The following AEBP2 variants were observed in gnomAD, a reference collection of about 807,000 sequenced individuals.
AEBP2 encodes the protein AE binding protein 2.
A neutral mutation model predicts 50.8 loss-of-function variants in AEBP2; 10 were observed. That is an observed-to-expected ratio of 0.20 (90% CI 0.12 to 0.33). The LOEUF is 0.33. Among genes scored for constraint, AEBP2 ranks in the 10% least tolerant of loss-of-function variants. The pLI, the probability that AEBP2 is intolerant of heterozygous loss-of-function variation, is 1.00. For synonymous variants in AEBP2, 296 were observed against 261.3 expected (o/e 1.13, Z -1.28); for missense variants, 570 against 688.0 (o/e 0.83, Z 1.92).
chr12:19,413,756 G>T (rs1488577304), intron 1 of AEBP2, among the ~76,000 whole-genome samples: 3 of 152,132 alleles, frequency 2.0e-5, no homozygotes, highest in African/African-American at 7.2e-5. Flanking sequence ...CATGGCATTT[G>T]TAAACTGTCA....
At chr12:19,471,549 T>C (rs1294974828) in intron 2 of AEBP2, among the ~76,000 whole-genome samples, 2 of 152,102 alleles carry the variant, frequency 1.3e-5, no homozygotes, top group Non-Finnish European at 2.9e-5. Context: ...TCACCTACAC[T>C]GGAGTGCAGT....
intron 5 of AEBP2, chr12:19,509,269 T>A: frequency 3.6e-6 from 1 of 275,046 alleles, no homozygotes; most frequent in Non-Finnish European, 7.1e-6. Flanking sequence ...TGCAACTTTT[T>A]TAAGTAATAA....
At chr12:19,440,565 C>G in intron 1 of AEBP2, 195 bp downstream of exon 1, 1 of 1,408,916 alleles carries the variant, frequency 7.1e-7, no homozygotes, top group South Asian at 1.5e-5. Flanking sequence ...TTCCAACTCT[C>G]AAACCGTTCC....
intron 5 of AEBP2, among the ~76,000 whole-genome samples, chr12:19,502,983 T>C (rs1004378856): frequency 2.6e-5 from 4 of 152,200 alleles, no homozygotes; most frequent in African/African-American, 7.2e-5. Flanking sequence ...TGCACTGTTT[T>C]GGTTACTGTA....
chr12:19,507,646 G>C (rs1949170621), intron 5 of AEBP2, among the ~76,000 whole-genome samples: 1 of 152,170 alleles, frequency 6.6e-6, no homozygotes, highest in Non-Finnish European at 1.5e-5. Context: ...AAGGTGGAAT[G>C]TAATCTGAAG....
At chr12:19,517,925 C>T (rs745343242) in intron 7 of AEBP2, among the ~76,000 whole-genome samples, 162 bp from the exon 8 acceptor site, 15 of 152,140 alleles carry the variant, frequency 9.9e-5, no homozygotes, top group Non-Finnish European at 2.1e-4. Context: ...TATTATGTAA[C>T]TAAGTATAGA....
chr12:19,484,250 ATTTTTTTTT>A (rs59403434), intron 3 of AEBP2, among the ~76,000 whole-genome samples: 5 of 107,518 alleles, frequency 4.7e-5, no homozygotes, highest in Admixed American at 2.0e-4. Flanking sequence ...CGCCCAGCCA[ATTTTTTTTT>A]TTTTTTTTTT....
upstream of AEBP2, among the ~76,000 whole-genome samples, chr12:19,435,400 G>T (rs1394168539): frequency 6.6e-6 from 1 of 151,906 alleles, no homozygotes; most frequent in Admixed American, 6.6e-5. Context: ...CCTGTGCCTG[G>T]CTAATTTTTT....
chr12:19,511,798 GT>G (rs1048400127), intron 5 of AEBP2, among the ~76,000 whole-genome samples: 24 of 145,718 alleles, frequency 1.6e-4, no homozygotes, highest in East Asian at 2.0e-4. Context: ...CTGAATCTAG[GT>G]TTTTTTTTTT....
chr12:19,414,756 G>C (rs868224186), intron 1 of AEBP2, among the ~76,000 whole-genome samples: 41 of 152,052 alleles, frequency 2.7e-4, no homozygotes, highest in Admixed American at 2.6e-4. Flanking sequence ...AACCTCGTCT[G>C]TACCAAAAAT....
Position 19,486,813 on chromosome 12 carries a change from T to C in AEBP2, c.988-6987T>C, listed in dbSNP as rs73339327. On this transcript the variant is annotated intron_variant, in intron 3 of 7. Coordinates refer to ENST00000266508, the MANE Select transcript of AEBP2 (RefSeq NM_153207.5). The stretch of plus-strand genomic sequence containing the variant: ...CCAGTCCTTTCTTTTCTTTTCTTTT[T>C]TTTTTGAGATAAAGTTTCTGTAACC... 2.1e-3 allele frequency among the ~76,000 whole-genome samples: 325 copies of C among 152,200 alleles called. 3 individuals are homozygous for C. Among genetic ancestry groups the C allele is most frequent in the African/African-American group, 7.4e-3 (306 of 41,538 alleles).
intron 1 of AEBP2, among the ~76,000 whole-genome samples, chr12:19,442,110 G>A (rs1592716849): frequency 1.3e-5 from 2 of 152,160 alleles, no homozygotes; most frequent in East Asian, 3.9e-4. Context: ...AAAATAATTC[G>A]CCTTAAATAA....
At chr12:19,492,592 A>G (rs1359271470) in intron 3 of AEBP2, among the ~76,000 whole-genome samples, 5 of 151,908 alleles carry the variant, frequency 3.3e-5, no homozygotes, top group Admixed American at 2.0e-4. Flanking sequence ...AAAACAAAAT[A>G]AAATAAAAAA....
chr12:19,468,126 TTGTGTGTGTG>T lies in AEBP2; in HGVS notation c.880-5100_880-5091del, dbSNP rs10643072. Among the ~76,000 whole-genome samples the T allele has an allele frequency of 2.6e-4, 37 of 144,062 alleles. No individual in the cohort carries two copies. In the East Asian group the frequency reaches 4.9e-3, roughly 19 times the overall value. 94.5% of individuals were successfully genotyped at this position (144,062 alleles called of 152,430 possible). On this transcript the variant is annotated intron_variant, in intron 2 of 7. Transcript: ENST00000266508. ...ATCCATCCAACCCCTCTGCCTGACTTTGTGTGTGTGTGTGTGTGTGTGTGTGTGTGTATGT... is the reference window on the plus strand; with the variant it reads ...ATCCATCCAACCCCTCTGCCTGACTTTGTGTGTGTGTGTGTGTGTGTATGT...
chr12:19,471,783 G>A (rs568348673), intron 2 of AEBP2, among the ~76,000 whole-genome samples: 1 of 151,948 alleles, frequency 6.6e-6, no homozygotes, highest in African/African-American at 2.4e-5. Context: ...CCCCTACCTC[G>A]GTCTCCCAAA....
chr12:19,469,387 T>C (rs1442037078), intron 2 of AEBP2, among the ~76,000 whole-genome samples: 1 of 152,220 alleles, frequency 6.6e-6, no homozygotes, highest in East Asian at 1.9e-4. Context: ...TAACATCTTA[T>C]ATTTTCATAG....
At position 19,508,632 on chromosome 12, in the gene AEBP2, T is replaced by C. The variant is rs142615599; in HGVS notation, c.1300-3766T>C. 1.1e-4 allele frequency among the ~76,000 whole-genome samples: 16 copies of C among 152,340 alleles called. No individual in the cohort carries two copies. The East Asian group carries it at 3.1e-3, about 29-fold the overall frequency. ...AGAATCTGGTAATGAAAGGAAAATA[T>C]ATTGCTTTTCTTATACTTTTTTGGG... On this transcript the variant is annotated intron_variant, in intron 5 of 7. Transcript: ENST00000266508.
intron 4 of AEBP2, among the ~76,000 whole-genome samples, chr12:19,495,513 A>T (rs370638577): frequency 6.6e-6 from 1 of 151,562 alleles, no homozygotes; most frequent in South Asian, 2.1e-4. Flanking sequence ...TGAGAAAAGT[A>T]AACTTTCTTA....
chr12:19,457,363 T>C, intron 1 of AEBP2: 5 of 1,452,804 alleles, frequency 3.4e-6, no homozygotes, highest in Non-Finnish European at 4.7e-6. Flanking sequence ...GTTAAGTCTC[T>C]GTGTCCTAGG....
Sources: allele counts gnomAD v4.1 joint callset (sites outside exome capture counted in the v4.1 genomes callset), GRCh38; gene constraint gnomAD v4.1.1; transcripts MANE v1.5; gene names NCBI Gene and HGNC (gene_info 2026-07-23, HGNC 2026-07-21).